WDFY1: variants seen among roughly 807,000 people sequenced by gnomAD.
The protein encoded by WDFY1 is WD repeat and FYVE domain-containing protein 1.
In WDFY1, 32 loss-of-function variants were observed where a neutral mutation model predicts 56.4. The ratio of observed to expected loss-of-function variants is 0.57; its 90% CI spans 0.43 to 0.76. The LOEUF (loss-of-function observed/expected upper bound fraction) is 0.76. Among genes scored for constraint, WDFY1 ranks in the 30% least tolerant of loss-of-function variants. WDFY1 has a pLI of 0.00. For missense variants in WDFY1, 480 were observed against 545.7 expected, an observed-to-expected ratio of 0.88 and a Z score of 1.20; for synonymous variants, 192 against 197.3, an observed-to-expected ratio of 0.97 and a Z score of 0.23.
intron 6 of WDFY1, among the ~76,000 whole-genome samples, chr2:223,898,265 T>C (rs1042031027): frequency 2.0e-5 from 3 of 152,202 alleles, no homozygotes; most frequent in East Asian, 1.9e-4. Flanking sequence ...TTTCTTCTAA[T>C]TGTATTTATC....
At position 223,918,394 on chromosome 2, in the gene WDFY1, C is replaced by T. The variant is rs190297127; in HGVS notation, c.138-384G>A. On this transcript the variant is annotated intron_variant, in intron 1 of 11. Coordinates refer to ENST00000233055, the MANE Select transcript of WDFY1 (RefSeq NM_020830.5). ...CTATAATCCCAGCACACTGGGAGGC[C>T]GAGGCAGGCGGATCACGAGGTCAGG... Among the ~76,000 whole-genome samples, 514 of 152,146 alleles carry T rather than the reference C, an allele frequency of 3.4e-3. 4 individuals carry two copies. The highest frequency in any genetic ancestry group is 0.011 in the African/African-American group (467 of 41,512).
chr2:223,882,976 G>A (rs897576253), intron 9 of WDFY1, among the ~76,000 whole-genome samples: 2 of 152,092 alleles, frequency 1.3e-5, no homozygotes, highest in African/African-American at 2.4e-5. Flanking sequence ...TGATCCTCCT[G>A]CCTCGGCCTC....
intron 1 of WDFY1, among the ~76,000 whole-genome samples, chr2:223,939,282 A>G (rs1167629722): frequency 6.6e-6 from 1 of 152,168 alleles, no homozygotes; most frequent in Non-Finnish European, 1.5e-5. Context: ...CAAGTTAAGG[A>G]ACCAGTGTTC....
chr2:223,906,402 C>G (rs1693598934), intron 3 of WDFY1, among the ~76,000 whole-genome samples: 2 of 152,192 alleles, frequency 1.3e-5, no homozygotes, highest in Non-Finnish European at 2.9e-5. Context: ...ACAGTAAAAA[C>G]AGGGCACTGG....
At chr2:223,922,538 C>T (rs1270630401) in intron 1 of WDFY1, among the ~76,000 whole-genome samples, 1 of 152,222 alleles carries the variant, frequency 6.6e-6, no homozygotes, top group African/African-American at 2.4e-5. Flanking sequence ...CACTCACAGG[C>T]TTCATTCGTA....
chr2:223,904,163 T>A (rs1466235842), intron 4 of WDFY1, among the ~76,000 whole-genome samples: 1 of 152,242 alleles, frequency 6.6e-6, no homozygotes, highest in Non-Finnish European at 1.5e-5. Flanking sequence ...TGGAAAGTGT[T>A]ATCATTCATT....
At chr2:223,942,771 A>G (rs1279843958) in intron 1 of WDFY1, among the ~76,000 whole-genome samples, 9 of 78,636 alleles carry the variant, frequency 1.1e-4, no homozygotes, top group East Asian at 4.5e-4. Context: ...TCCTGACCTC[A>G]TGATCCACCC....
chr2:223,897,721 G>A (rs1693421961), intron 6 of WDFY1, among the ~76,000 whole-genome samples: 1 of 152,026 alleles, frequency 6.6e-6, no homozygotes, highest in African/African-American at 2.4e-5. Flanking sequence ...TGTTGCAGGT[G>A]GGGCTTGGTA....
intron 8 of WDFY1, among the ~76,000 whole-genome samples, chr2:223,888,158 T>G (rs934766133): frequency 2.0e-5 from 3 of 152,160 alleles, no homozygotes; most frequent in African/African-American, 7.2e-5. Context: ...CATGGCTCAC[T>G]GCAGCCTCAA....
At chr2:223,913,856 GT>G (rs1378792420) in intron 2 of WDFY1, among the ~76,000 whole-genome samples, 5 of 152,012 alleles carry the variant, frequency 3.3e-5, no homozygotes, top group Admixed American at 2.6e-4. Flanking sequence ...TCCTTAGTTT[GT>G]TTTGTATTAT....
At chr2:223,916,843 T>G (rs1444127744) in intron 2 of WDFY1, among the ~76,000 whole-genome samples, 1 of 151,246 alleles carries the variant, frequency 6.6e-6, no homozygotes, top group Non-Finnish European at 1.5e-5. Flanking sequence ...ATACGGAGTT[T>G]CGCTCTTGTT....
chr2:223,887,536 G>GTTT (rs1472130497), intron 8 of WDFY1, among the ~76,000 whole-genome samples: 2 of 152,238 alleles, frequency 1.3e-5, no homozygotes, highest in African/African-American at 4.8e-5. Flanking sequence ...AACATTAAGT[G>GTTT]TAAAAAAGAC....
rs372824994 is a variant in WDFY1 at position 223,891,161 on chromosome 2, AG to A, written c.831+3072del. 1.9e-3 allele frequency among the ~76,000 whole-genome samples: 283 copies of A among 152,184 alleles called. 1 individual carries two copies. The highest frequency in any genetic ancestry group is 6.6e-3 in the African/African-American group (276 of 41,524). ...GAAGCTGAGGCGGGCGGATCACTTG[AG>A]GTCAGGGGCTCGTGACCAGCCTGGT... On this transcript the variant is annotated intron_variant, in intron 8 of 11. Transcript: ENST00000233055.
At chr2:223,926,592 C>G (rs568834498) in intron 1 of WDFY1, among the ~76,000 whole-genome samples, 1 of 151,982 alleles carries the variant, frequency 6.6e-6, no homozygotes, top group Non-Finnish European at 1.5e-5. Flanking sequence ...TTTCAATAAG[C>G]AAATATACAT....
intron 10 of WDFY1, among the ~76,000 whole-genome samples, chr2:223,881,623 C>T (rs1212055028): frequency 6.6e-6 from 1 of 152,050 alleles, no homozygotes; most frequent in Non-Finnish European, 1.5e-5. Flanking sequence ...AACTCCATCT[C>T]TACTAAAACT....
chr2:223,916,995 G>C (rs1253844547), intron 2 of WDFY1, among the ~76,000 whole-genome samples: 1 of 151,848 alleles, frequency 6.6e-6, no homozygotes, highest in African/African-American at 2.4e-5. Flanking sequence ...TGTATTTTTA[G>C]TAGAGATGGG....
At chr2:223,943,350 C>T (rs1443921738) in intron 1 of WDFY1, among the ~76,000 whole-genome samples, 1 of 152,104 alleles carries the variant, frequency 6.6e-6, no homozygotes, top group Non-Finnish European at 1.5e-5. Flanking sequence ...TACAGGTGAA[C>T]CAGCAGGGAG....
chr2:223,884,593 T>A, intron 9 of WDFY1, 55 bp downstream of exon 9: 1 of 1,540,256 alleles, frequency 6.5e-7, no homozygotes, highest in Non-Finnish European at 9.0e-7. Context: ...AGATTAAGTA[T>A]GCAAATAGTG....
At chr2:223,943,922 GGCGTCCAAT>G (rs1305401097) in intron 1 of WDFY1, among the ~76,000 whole-genome samples, 1 of 152,188 alleles carries the variant, frequency 6.6e-6, no homozygotes, top group Non-Finnish European at 1.5e-5. Context: ...AAGCATGGTG[GGCGTCCAAT>G]GCAAGATGTC....
Sources: gnomAD v4.1 joint callset for allele counts (sites outside exome capture counted in the v4.1 genomes callset) on GRCh38, gnomAD v4.1.1 for gene constraint, MANE v1.5 for transcripts, NCBI Gene and HGNC (gene_info 2026-07-23, HGNC 2026-07-21) for gene names.